Variants in SAGE1 observed in about 807,000 individuals in gnomAD.
The protein encoded by SAGE1 is sarcoma antigen 1, also known as cancer/testis antigen 14.
A neutral mutation model predicts 55.4 loss-of-function variants in SAGE1; 55 were observed. That is an observed-to-expected ratio of 0.99 (90% CI 0.80 to 1.24). The LOEUF (loss-of-function observed/expected upper bound fraction) is 1.24, where lower values mean the gene tolerates loss of function less well. Among genes scored for constraint, SAGE1 ranks in the 50% most tolerant of loss-of-function variants. The probability of loss-of-function intolerance (pLI) is 0.00; values close to 1 mark genes in which losing one functional copy is unlikely to be tolerated. For missense variants in SAGE1, 710 were observed against 704.4 expected (o/e 1.01, Z -0.09); for synonymous variants, 240 against 244.3 (o/e 0.98, Z 0.17).
At chrX:135,907,523 G>T (rs1422662349) in intron 9 of SAGE1, 70 bp downstream of exon 9, 2 of 1,059,802 alleles carry the variant, frequency 1.9e-6, no homozygotes, top group East Asian at 3.0e-5. Flanking sequence ...TAAAGGGAAG[G>T]AGGTTGTTTT....
In SAGE1 at chrX:135,907,828, T is replaced by A; in HGVS notation, c.1146T>A (p.Ser382Arg). Reference sequence around the variant, plus strand: ...CAACAGCTGATATGCCAGCCATGAGTACCAGGGATCAGCGTAAGTTTGTTT... The same window carrying A: ...CAACAGCTGATATGCCAGCCATGAGAACCAGGGATCAGCGTAAGTTTGTTT... ...YLATADMPAM[S>R]TRDQHATIIH... Residue 382 changes from serine to arginine, a missense_variant, in exon 10 of 20, where the codon AGT becomes AGA. Coordinates refer to ENST00000370709, the MANE Select transcript of SAGE1 (RefSeq NM_001381902.1). 8.3e-7 allele frequency: 1 copy of A among 1,210,751 alleles called. No homozygotes were observed. The highest frequency in any genetic ancestry group is 1.1e-6 in the Non-Finnish European group (1 of 894,624).
In SAGE1 at chrX:135,907,758, C is replaced by A. The variant is rs782043824; in HGVS notation, c.1076C>A (p.Pro359His). Residue 359 changes from proline (P) to histidine (H), a missense_variant, in exon 10 of 20, where the codon CCT (proline) becomes CAT (histidine). By Grantham distance (77) the Pro-to-His change is moderately conservative (BLOSUM62 -2). Transcript: ENST00000370709. ...AGAGTGGTAAATAACCAACCACTAC[C>A]TAGTAACGCCTTGTCAACTGTTCTA... is the stretch of plus-strand genomic sequence containing the variant. Reference protein sequence around the residue: ...EERVVNNQPLPSNALSTVLPG... With the variant: ...EERVVNNQPLHSNALSTVLPG... The A allele has an allele frequency of 8.3e-7, 1 of 1,207,830 alleles. No homozygotes were observed. Among genetic ancestry groups the A allele is most frequent in the African/African-American group, 1.7e-5 (1 of 57,527 alleles).
chrX:135,908,807 G>T, intron 12 of SAGE1, 57 bp from the exon 13 acceptor site: 1 of 1,163,923 alleles, frequency 8.6e-7, no homozygotes, highest in South Asian at 1.9e-5. Flanking sequence ...GGGATATATC[G>T]GTGGGGTTGA....
Position 135,896,274 on chromosome X carries a change from C to T in SAGE1, c.32C>T (p.Pro11Leu), listed in dbSNP as rs200108643. 286 of 1,204,401 alleles carry T rather than the reference C, an allele frequency of 2.4e-4. 2 individuals are homozygous for T. In the East Asian group the frequency reaches 8.3e-3, roughly 35 times the overall value. Reference sequence around the variant, plus strand: ...GCTTCTCCACTTCAAACGAGTCAACCAACTCCACCTGAAGAACTTCATGCT... The same window carrying T: ...GCTTCTCCACTTCAAACGAGTCAACTAACTCCACCTGAAGAACTTCATGCT... MQASPLQTSQ[P>L]TPPEELHAAA... The change falls in exon 2 of 20, where the codon CCA becomes CTA. Residue 11 changes from proline (P) to leucine (L), a missense_variant. Pro to Leu is a moderately conservative substitution (Grantham distance 98). Coordinates refer to ENST00000370709, the MANE Select transcript of SAGE1 (RefSeq NM_001381902.1).
chrX:135,895,245 A>G (rs1453506879), intron 1 of SAGE1, among the ~76,000 whole-genome samples: 20 of 111,652 alleles, frequency 1.8e-4, no homozygotes, highest in Non-Finnish European at 3.2e-4. Context: ...ACTATATCAC[A>G]CTGCTTACTG....
chrX:135,905,518 C>G, intron 5 of SAGE1, 126 bp downstream of exon 5: 1 of 611,327 alleles, frequency 1.6e-6, no homozygotes. Context: ...CTCAGATGGC[C>G]ACCTGGCAAA....
In SAGE1 at chrX:135,907,812, A is replaced by T; in HGVS notation, c.1130A>T (p.Asp377Val). The T allele has an allele frequency of 1.7e-6, 2 of 1,210,316 alleles. No homozygotes were observed. The highest frequency in any genetic ancestry group is 3.5e-5 in the South Asian group (2 of 56,869). Residue 377 changes from aspartate (D) to valine (V), a missense_variant, in exon 10 of 20, where the codon GAT becomes GTT. Transcript: ENST00000370709. ...LPGLAYLATADMPAMSTRDQH... is the reference protein window; with the variant it reads ...LPGLAYLATAVMPAMSTRDQH... ...GGGCTTGCTTATTTGGCAACAGCTG[A>T]TATGCCAGCCATGAGTACCAGGGAT...
intron 3 of SAGE1, among the ~76,000 whole-genome samples, chrX:135,902,062 G>A (rs1158549213): frequency 8.9e-6 from 1 of 111,905 alleles, no homozygotes; most frequent in African/African-American, 3.3e-5. Flanking sequence ...CCTCCTGCAC[G>A]GAAAGCTTCT....
At position 135,911,964 on chromosome X, in the gene SAGE1, C is replaced by T; in HGVS notation, c.2521+11C>T. The stretch of plus-strand genomic sequence containing the variant: ...GAAGGTTTGGGCAAAGTAAGTACTG[C>T]AAGAATGTCTATCAATGAAAGCATG... On this transcript the variant is annotated intron_variant, in intron 18 of 19. Coordinates refer to ENST00000370709, the MANE Select transcript of SAGE1 (RefSeq NM_001381902.1). 8.3e-7 allele frequency: 1 copy of T among 1,205,139 alleles called. No homozygotes were observed. The highest frequency in any genetic ancestry group is 1.1e-6 in the Non-Finnish European group (1 of 891,694).
Position 135,909,727 on chromosome X carries a change from A to T in SAGE1, c.1671A>T (p.Gly557=). 1.7e-6 allele frequency: 2 copies of T among 1,202,804 alleles called. No individual in the cohort carries two copies. Among genetic ancestry groups the T allele is most frequent in the Non-Finnish European group, 2.2e-6 (2 of 889,854 alleles). ...ATGACTTGTCAACTGTTCTACCAGG[A>T]CTTACTTATTTGACAGTAGCTGGTA... ...PSYDLSTVLP[G]LTYLTVAGIP... Residue 557 remains glycine (G), a synonymous_variant, in exon 14 of 20, where the codon GGA becomes GGT. Transcript: ENST00000370709.
intron 2 of SAGE1, among the ~76,000 whole-genome samples, chrX:135,898,400 G>C (rs1216222181): frequency 1.8e-5 from 2 of 112,231 alleles, no homozygotes; most frequent in African/African-American, 3.2e-5. Flanking sequence ...TCATTGATGG[G>C]CATTTGGGTT....
In SAGE1 at chrX:135,907,396, C is replaced by T; in HGVS notation, c.961C>T (p.Pro321Ser). ...TAATAACGTATTGTCAACTGTTCAA[C>T]CAGTGATTATTTATTTGACAGCAAC... is the stretch of plus-strand genomic sequence containing the variant. ...QPNNVLSTVQ[P>S]VIIYLTATGI... is the part of the protein sequence containing the mutation. The change falls in exon 9 of 20, where the codon CCA (proline) becomes TCA (serine). Residue 321 changes from proline (P) to serine (S), a missense_variant. Coordinates refer to ENST00000370709, the MANE Select transcript of SAGE1 (RefSeq NM_001381902.1). 8.3e-7 allele frequency: 1 copy of T among 1,207,426 alleles called. No individual in the cohort carries two copies. The highest frequency in any genetic ancestry group is 1.1e-6 in the Non-Finnish European group (1 of 891,978).
rs782352976 is a variant in SAGE1, at chrX:135,907,738, G to A, written c.1056G>A (p.Val352=). 8.3e-7 allele frequency: 1 copy of A among 1,206,842 alleles called. No homozygotes were observed. Among genetic ancestry groups the A allele is most frequent in the African/African-American group, 1.8e-5 (1 of 56,771 alleles). ...TITHNVCEER[V]VNNQPLPSNA... ...CTCACAATGTCTGTGAAGAGAGAGT[G>A]GTAAATAACCAACCACTACCTAGTA... The change falls in exon 10 of 20, where the codon GTG becomes GTA. Residue 352 remains valine (V), a synonymous_variant. Coordinates refer to ENST00000370709, the MANE Select transcript of SAGE1 (RefSeq NM_001381902.1).
intron 3 of SAGE1, among the ~76,000 whole-genome samples, chrX:135,902,379 C>A (rs2088694966): frequency 8.9e-6 from 1 of 112,109 alleles, no homozygotes; most frequent in Non-Finnish European, 1.9e-5. Flanking sequence ...ATGTAAAATT[C>A]AACTGACTCT....
chrX:135,912,599 T>C, intron 19 of SAGE1, 185 bp downstream of exon 19: 1 of 753,781 alleles, frequency 1.3e-6, no homozygotes, highest in Non-Finnish European at 1.6e-6. Context: ...CATGGAGGCT[T>C]CCAAATTTAT....
chrX:135,911,221 G>A lies in SAGE1; in HGVS notation c.2035G>A (p.Glu679Lys). The change falls in exon 17 of 20, where the codon GAG becomes AAG. Residue 679 changes from glutamate to lysine, a missense_variant. Glu to Lys is a moderately conservative substitution (Grantham distance 56, BLOSUM62 1). Transcript: ENST00000370709. ...YVTATHSVHE[E>K]KMTNGQQAPD... ...CACCGCCACTCACAGTGTCCATGAG[G>A]AGAAGATGACAAATGGCCAACAGGC... is the stretch of plus-strand genomic sequence containing the variant. 8.3e-7 allele frequency: 1 copy of A among 1,210,729 alleles called. No homozygotes were observed. The highest frequency in any genetic ancestry group is 1.1e-6 in the Non-Finnish European group (1 of 894,689).
chrX:135,911,136 G>C, intron 16 of SAGE1, 56 bp from the exon 17 acceptor site: 1 of 1,164,037 alleles, frequency 8.6e-7, no homozygotes, highest in South Asian at 1.9e-5. Context: ...GGATATCCCT[G>C]TGGGGTTGTC....
chrX:135,907,013 GGCT>G lies in SAGE1; in HGVS notation c.825_827del (p.Leu276del), dbSNP rs782512690. 6 of 1,210,251 alleles carry G rather than the reference GGCT, an allele frequency of 5.0e-6. No homozygotes were observed. Among genetic ancestry groups the G allele is most frequent in the Non-Finnish European group, 6.7e-6 (6 of 894,470 alleles). The stretch of plus-strand genomic sequence containing the variant: ...AACATCTTGTCAACTGCTTCAACAG[GGCT>G]TATTAATGTGGCAGGAGCTGGTACT... On this transcript the variant is annotated inframe_deletion, in exon 8 of 20. Coordinates refer to ENST00000370709, the MANE Select transcript of SAGE1 (RefSeq NM_001381902.1).
chrX:135,908,842 G>C (rs1460576663), intron 12 of SAGE1, 22 bp from the exon 13 acceptor site: 1 of 1,201,458 alleles, frequency 8.3e-7, no homozygotes, highest in Non-Finnish European at 1.1e-6. Flanking sequence ...CTCACAGCTT[G>C]ACCTCTCCCT....
Sources: allele counts gnomAD v4.1 joint callset (sites outside exome capture counted in the v4.1 genomes callset), GRCh38; gene constraint gnomAD v4.1.1; transcripts MANE v1.5; gene names NCBI Gene and HGNC (gene_info 2026-07-23, HGNC 2026-07-21).